The following RNF169 variants were observed in gnomAD, a reference collection of about 807,000 sequenced individuals.
RNF169 encodes ring finger protein 169, also known as E3 ubiquitin-protein ligase RNF169.
A neutral mutation model predicts 53.9 loss-of-function variants in RNF169; 24 were observed. The ratio of observed to expected loss-of-function variants is 0.45; its 90% CI spans 0.32 to 0.63. The LOEUF is 0.63. RNF169 is among the 20% of genes least tolerant of loss of function. The pLI is 0.04. For synonymous variants in RNF169, 396 were observed against 363.5 expected (o/e 1.09, Z -1.02); for missense variants, 883 against 906.2 (o/e 0.97, Z 0.33).
intron 1 of RNF169, among the ~76,000 whole-genome samples, chr11:74,781,522 C>T (rs60640536): frequency 1.3e-5 from 2 of 152,120 alleles, no homozygotes; most frequent in East Asian, 1.9e-4. Context: ...TTTAGTATGG[C>T]GAGTAATCAG....
chr11:74,808,440 G>A (rs1250305717), intron 2 of RNF169, among the ~76,000 whole-genome samples: 2 of 152,144 alleles, frequency 1.3e-5, no homozygotes, highest in East Asian at 3.9e-4. Context: ...CCCCAGTTGT[G>A]ACAATCAAAA....
At chr11:74,773,379 TA>T (rs550708354) in intron 1 of RNF169, among the ~76,000 whole-genome samples, 9 of 152,224 alleles carry the variant, frequency 5.9e-5, no homozygotes, top group African/African-American at 2.2e-4. Flanking sequence ...AATACCTCTT[TA>T]AAGCCTCTTA....
At position 74,832,784 on chromosome 11, in the gene RNF169, A is replaced by C. The variant is rs79515368; in HGVS notation, c.843-1892A>C. On this transcript the variant is annotated intron_variant, in intron 4 of 5. Transcript: ENST00000299563. The stretch of plus-strand genomic sequence containing the variant: ...CAACAATGCTGTCTCCCTTTTTTCT[A>C]ACCCAAGGTATATATTATTTACCAC... Among the ~76,000 whole-genome samples, 1,473 of 152,210 alleles carry C rather than the reference A, an allele frequency of 9.7e-3. 13 individuals are homozygous for C. Among genetic ancestry groups the C allele is most frequent in the Non-Finnish European group, 0.015 (1,021 of 67,984 alleles).
At chr11:74,792,181 G>GT (rs981365319) in intron 2 of RNF169, among the ~76,000 whole-genome samples, 7 of 151,602 alleles carry the variant, frequency 4.6e-5, no homozygotes, top group South Asian at 2.1e-4. Flanking sequence ...TACTTACAAA[G>GT]TTTTTTTTTC....
At chr11:74,750,588 C>CTTTTT (rs71036015) in intron 1 of RNF169, among the ~76,000 whole-genome samples, 3 of 54,542 alleles carry the variant, frequency 5.5e-5, no homozygotes, top group African/African-American at 8.8e-5. Flanking sequence ...CTCCCCTCAC[C>CTTTTT]TTTTTTTTTT....
At chr11:74,830,511 T>G (rs1164491674) in intron 4 of RNF169, 1 of 150,830 alleles carries the variant, frequency 6.6e-6, no homozygotes, top group South Asian at 2.1e-4. Flanking sequence ...AAAATCTGAA[T>G]TGACCTATAT....
intron 1 of RNF169, among the ~76,000 whole-genome samples, chr11:74,762,132 C>T (rs1229012618): frequency 6.7e-6 from 1 of 149,824 alleles, no homozygotes; most frequent in African/African-American, 2.5e-5. Flanking sequence ...ATGTAGTTCT[C>T]AAGCCTTGGT....
intron 2 of RNF169, among the ~76,000 whole-genome samples, chr11:74,794,223 G>A (rs530885227): frequency 3.9e-4 from 60 of 152,310 alleles, no homozygotes; most frequent in Middle Eastern, 6.8e-3. Flanking sequence ...AATAAGACTA[G>A]TTAGGACACT....
intron 1 of RNF169, among the ~76,000 whole-genome samples, chr11:74,784,444 C>T (rs1169352988): frequency 3.3e-5 from 5 of 152,188 alleles, no homozygotes; most frequent in South Asian, 2.1e-4. Context: ...GAAAAGACAC[C>T]GAGCAAAATC....
rs528413994 is a variant in RNF169 at position 74,749,244 on chromosome 11, G to C, written c.364G>C (p.Gly122Arg). 4.5e-5 allele frequency: 49 copies of C among 1,088,698 alleles called. No individual in the cohort carries two copies. Among genetic ancestry groups the C allele is most frequent in the Non-Finnish European group, 5.3e-5 (48 of 898,304 alleles). The allele number at this position is 1,088,698 out of a possible 1,614,324, so 67.4% of individuals were successfully genotyped here. ...GWARRRARDD[G>R]QADSEVLGEC... The stretch of plus-strand genomic sequence containing the variant: ...GGCCCGCCGTCGGGCCCGCGACGAC[G>C]GCCAGGCCGACTCAGAGGTGCTGGG... The change falls in exon 1 of 6, where the codon GGC (glycine) becomes CGC (arginine). Residue 122 changes from glycine (G) to arginine (R), a missense_variant. By Grantham distance (125) the Gly-to-Arg change is moderately radical. Transcript: ENST00000299563.
At chr11:74,783,958 C>G (rs543550433) in intron 1 of RNF169, among the ~76,000 whole-genome samples, 88 of 152,324 alleles carry the variant, frequency 5.8e-4, no homozygotes, top group African/African-American at 2.1e-3. Context: ...CTCCATTCAT[C>G]TTTAAGAGAT....
At chr11:74,794,512 A>G (rs2035620422) in intron 2 of RNF169, among the ~76,000 whole-genome samples, 1 of 152,238 alleles carries the variant, frequency 6.6e-6, no homozygotes, top group South Asian at 2.1e-4. Context: ...GGTGGTCTCA[A>G]TATAAAAGGC....
chr11:74,776,886 A>C (rs978156461), intron 1 of RNF169, among the ~76,000 whole-genome samples: 1 of 152,192 alleles, frequency 6.6e-6, no homozygotes, highest in African/African-American at 2.4e-5. Context: ...TGGGGAGAAA[A>C]GGATTATTGA....
chr11:74,797,887 T>C (rs1487063509), intron 2 of RNF169, among the ~76,000 whole-genome samples: 3 of 152,200 alleles, frequency 2.0e-5, no homozygotes, highest in African/African-American at 4.8e-5. Context: ...TTACGGACAT[T>C]TATTAGTTCC....
At chr11:74,822,055 T>TGC (rs1479772013) in intron 4 of RNF169, among the ~76,000 whole-genome samples, 2 of 151,248 alleles carry the variant, frequency 1.3e-5, no homozygotes, top group African/African-American at 4.9e-5. Flanking sequence ...TGTGTGTGTG[T>TGC]GTGACAGGAT....
chr11:74,755,180 T>C (rs2034962967), intron 1 of RNF169, among the ~76,000 whole-genome samples: 1 of 152,242 alleles, frequency 6.6e-6, no homozygotes, highest in Admixed American at 6.5e-5. Context: ...CCTTATGTGT[T>C]ATACCAATAC....
Position 74,835,539 on chromosome 11 carries a change from C to G in RNF169, c.943-7C>G. The stretch of plus-strand genomic sequence containing the variant: ...TATGAAGGCATAATCTTTTTAATCT[C>G]TTTCAGGTCACAACTATGACTCCAG... On this transcript the variant is annotated splice_region_variant and splice_polypyrimidine_tract_variant and intron_variant, in intron 5 of 5. Coordinates refer to ENST00000299563, the MANE Select transcript of RNF169 (RefSeq NM_001098638.2). 6.2e-7 allele frequency: 1 copy of G among 1,607,106 alleles called. No individual in the cohort carries two copies. Among genetic ancestry groups the G allele is most frequent in the Non-Finnish European group, 8.5e-7 (1 of 1,174,524 alleles).
intron 1 of RNF169, among the ~76,000 whole-genome samples, chr11:74,769,279 A>G (rs1201446582): frequency 2.0e-5 from 3 of 152,252 alleles, no homozygotes; most frequent in African/African-American, 7.2e-5. Context: ...ACGCAACAGC[A>G]TTAGCAATCA....
rs2036309772 is a variant in RNF169 at position 74,839,411 on chromosome 11, A to G, written c.*2681A>G. On this transcript the variant is annotated 3_prime_UTR_variant, in exon 6 of 6. Coordinates refer to ENST00000299563, the MANE Select transcript of RNF169 (RefSeq NM_001098638.2). ...CTGAAAAATCTCCCTCTCTCCTTCC[A>G]TGATTCTGAAGTTGGTTAAAAGTCG... 6.6e-6 allele frequency: 1 copy of G among 152,220 alleles called. No individual in the cohort carries two copies. Among genetic ancestry groups the G allele is most frequent in the South Asian group, 2.1e-4 (1 of 4,828 alleles). The allele number at this position is 152,220 out of a possible 1,614,324, so 9.4% of individuals were successfully genotyped here.
Sources: gnomAD v4.1 joint callset for allele counts (sites outside exome capture counted in the v4.1 genomes callset) on GRCh38, gnomAD v4.1.1 for gene constraint, MANE v1.5 for transcripts, NCBI Gene and HGNC (gene_info 2026-07-23, HGNC 2026-07-21) for gene names.